The following GRB10 variants were observed in gnomAD, a reference collection of about 807,000 sequenced individuals.
GRB10 encodes growth factor receptor bound protein 10, also known as growth factor receptor-bound protein 10.
In GRB10, 20 loss-of-function variants were observed where a neutral mutation model predicts 80.9. That is an observed-to-expected ratio of 0.25 (90% CI 0.17 to 0.36). The LOEUF is 0.36. Ranked by LOEUF, GRB10 falls within the 10% of genes least tolerant of loss-of-function variation. GRB10 has a pLI of 1.00. For missense variants in GRB10, 548 were observed against 747.7 expected (o/e 0.73, Z 3.12); for synonymous variants, 291 against 291.5 (o/e 1.00, Z 0.02).
intron 7 of GRB10, among the ~76,000 whole-genome samples, chr7:50,641,283 G>GGT (rs1412869722): frequency 5.9e-5 from 9 of 151,706 alleles, no homozygotes; most frequent in African/African-American, 1.9e-4. Flanking sequence ...AAAAGGTGGG[G>GGT]GGGTAGCCTT....
chr7:50,597,967 G>A (rs1269389672), intron 17 of GRB10, among the ~76,000 whole-genome samples: 2 of 152,070 alleles, frequency 1.3e-5, no homozygotes, highest in Non-Finnish European at 2.9e-5. Context: ...AGGTTCAAGC[G>A]ATTCTCCCCT....
chr7:50,703,790 G>A (rs1200632067), intron 5 of GRB10, 31 bp downstream of exon 5: 13 of 1,493,124 alleles, frequency 8.7e-6, no homozygotes, highest in Non-Finnish European at 1.1e-5. Context: ...GCTAGAACTG[G>A]GAGTGTTCTT....
chr7:50,669,908 C>A, intron 6 of GRB10, 45 bp from the exon 7 acceptor site: 2 of 1,571,998 alleles, frequency 1.3e-6, no homozygotes, highest in Non-Finnish European at 1.7e-6. Context: ...CCATTCCCCA[C>A]ATGACCCAGC....
At chr7:50,677,846 C>A (rs907032779) in intron 5 of GRB10, among the ~76,000 whole-genome samples, 5 of 152,168 alleles carry the variant, frequency 3.3e-5, no homozygotes, top group Non-Finnish European at 5.9e-5. Flanking sequence ...TGCACACGTG[C>A]GAACATGTCC....
At chr7:50,709,741 T>C (rs1339677215) in intron 4 of GRB10, among the ~76,000 whole-genome samples, 1 of 152,052 alleles carries the variant, frequency 6.6e-6, no homozygotes, top group Non-Finnish European at 1.5e-5. Context: ...AGCTGTGCTG[T>C]GGACTGTGGG....
chr7:50,662,765 AAACAGGAAAATTAAG>A (rs2059410002), intron 7 of GRB10, among the ~76,000 whole-genome samples: 1 of 152,236 alleles, frequency 6.6e-6, no homozygotes, highest in East Asian at 1.9e-4. Context: ...GGATGCTAAA[AAACAGGAAAATTAAG>A]ATTCTACCTG....
chr7:50,593,066 T>C lies in GRB10; in HGVS notation c.1671A>G (p.Leu557=). Residue 557 remains leucine (L), a synonymous_variant, in exon 19 of 19, where the codon CTA becomes CTG. Coordinates refer to ENST00000401949, the MANE Select transcript of GRB10 (RefSeq NM_001350814.2). ...CAGAGAATTTGGTGTTCCCGTCATC[T>C]AGGCTGAAGAACGTCTGCCCGTCGT... ...CEDDGQTFFS[L]DDGNTKFSDL... The C allele has an allele frequency of 1.2e-6, 2 of 1,614,244 alleles. No individual in the cohort carries two copies. The highest frequency in any genetic ancestry group is 1.7e-6 in the Non-Finnish European group (2 of 1,180,042).
intron 4 of GRB10, among the ~76,000 whole-genome samples, chr7:50,721,908 A>T (rs922580920): frequency 1.3e-5 from 2 of 152,242 alleles, no homozygotes; most frequent in Admixed American, 1.3e-4. Context: ...GCTGAAGTCC[A>T]GGGAAATGGC....
intron 5 of GRB10, among the ~76,000 whole-genome samples, chr7:50,700,209 T>C (rs1305744549): frequency 4.6e-5 from 7 of 152,248 alleles, no homozygotes; most frequent in South Asian, 2.1e-4. Context: ...TTGAGTATTT[T>C]TGAAGGTATA....
At chr7:50,612,884 C>A in intron 12 of GRB10, 45 bp from the exon 13 acceptor site, 1 of 1,296,472 alleles carries the variant, frequency 7.7e-7, no homozygotes, top group South Asian at 1.2e-5. Flanking sequence ...CACAGGGAGT[C>A]AGAAACAGCT....
intron 5 of GRB10, among the ~76,000 whole-genome samples, chr7:50,687,711 G>A (rs2062272264): frequency 6.6e-6 from 1 of 152,134 alleles, no homozygotes; most frequent in Non-Finnish European, 1.5e-5. Flanking sequence ...AGCTGCCCAT[G>A]ATGTAAGGTC....
chr7:50,628,574 G>C (rs201376002), intron 7 of GRB10, among the ~76,000 whole-genome samples: 55,981 of 150,478 alleles, frequency 0.37, 10,664 homozygotes, highest in East Asian at 0.44. Flanking sequence ...TGGGGGTGGT[G>C]GGGGTGGTAG....
intron 3 of GRB10, among the ~76,000 whole-genome samples, chr7:50,745,093 C>T (rs993807135): frequency 2.1e-4 from 32 of 152,082 alleles, no homozygotes; most frequent in African/African-American, 6.7e-4. Flanking sequence ...CTCGGCTATG[C>T]TGTAAGATTT....
At chr7:50,749,016 T>G (rs2073595076) in intron 3 of GRB10, among the ~76,000 whole-genome samples, 1 of 152,230 alleles carries the variant, frequency 6.6e-6, no homozygotes, top group African/African-American at 2.4e-5. Context: ...GGGTCTAGAC[T>G]CTACAATCTA....
At chr7:50,735,698 T>G (rs866117640) in intron 3 of GRB10, among the ~76,000 whole-genome samples, 25 of 152,144 alleles carry the variant, frequency 1.6e-4, no homozygotes, top group African/African-American at 5.1e-4. Flanking sequence ...TAATAAAAAC[T>G]AATTAAAACT....
At chr7:50,741,755 A>G (rs1442926587) in intron 3 of GRB10, among the ~76,000 whole-genome samples, 2 of 152,138 alleles carry the variant, frequency 1.3e-5, no homozygotes, top group African/African-American at 2.4e-5. Context: ...CATATTTTAT[A>G]AAGACAAAAT....
chr7:50,758,401 C>A (rs1196358036), intron 2 of GRB10, among the ~76,000 whole-genome samples: 1 of 152,176 alleles, frequency 6.6e-6, no homozygotes, highest in East Asian at 1.9e-4. Flanking sequence ...AATATACTAA[C>A]CTGGGGAAAA....
At chr7:50,643,300 G>A (rs2056621498) in intron 7 of GRB10, among the ~76,000 whole-genome samples, 1 of 152,092 alleles carries the variant, frequency 6.6e-6, no homozygotes, top group African/African-American at 2.4e-5. Flanking sequence ...CCCTAATCAA[G>A]TCATAAATAT....
chr7:50,773,349 G>T (rs909964110), intron 2 of GRB10, among the ~76,000 whole-genome samples: 1 of 143,332 alleles, frequency 7.0e-6, no homozygotes, highest in African/African-American at 2.6e-5. Context: ...AAGGGGAAGG[G>T]GAAGAAAGGC....
Sources: gnomAD v4.1 joint callset for allele counts (sites outside exome capture counted in the v4.1 genomes callset) on GRCh38, gnomAD v4.1.1 for gene constraint, MANE v1.5 for transcripts, NCBI Gene and HGNC (gene_info 2026-07-23, HGNC 2026-07-21) for gene names.